HMCN2: variants seen among roughly 807,000 people sequenced by gnomAD.
The protein encoded by HMCN2 is hemicentin-2.
In HMCN2, 325 loss-of-function variants were observed where a neutral mutation model predicts 377.5. The observed-to-expected ratio is 0.86, with a 90% CI of 0.79 to 0.94. HMCN2 has a LOEUF of 0.94. Ranked by LOEUF, HMCN2 falls within the 40% of genes least tolerant of loss-of-function variation. HMCN2 has a pLI of 0.00. For missense variants in HMCN2, 4,543 were observed against 4,725.3 expected (o/e 0.96, Z 1.13); for synonymous variants, 2,007 against 2,046.8 (o/e 0.98, Z 0.53).
At chr9:130,291,241 C>G (rs571850730) in intron 4 of HMCN2, among the ~76,000 whole-genome samples, 1 of 152,180 alleles carries the variant, frequency 6.6e-6, no homozygotes, top group Admixed American at 6.5e-5. Flanking sequence ...TGGAGTTTTG[C>G]TCTTGTCACC....
rs910955004 is a variant in HMCN2, at chr9:130,397,565, C to A, written c.11236C>A (p.Pro3746Thr). Residue 3746 changes from proline to threonine, a missense_variant, in exon 74 of 98, where the codon CCA (proline) becomes ACA (threonine). Around this residue, in one of 5 missense-constraint regions of HMCN2, gnomAD observed 1,073 missense variants for 1,319.5 expected, o/e 0.81. Transcript: ENST00000683500. Reference protein sequence around the residue: ...ILPEGSLRIQPVLAQDAGHYL... With the variant: ...ILPEGSLRIQTVLAQDAGHYL... ...GCCTGAGGGTTCCCTGAGAATCCAG[C>A]CAGTCCTTGCCCAGGACGCCGGCCA... 1 of 1,289,830 alleles carries A rather than the reference C, an allele frequency of 7.8e-7. No homozygotes were observed. Among genetic ancestry groups the A allele is most frequent in the African/African-American group, 1.5e-5 (1 of 65,982 alleles). The allele number at this position is 1,289,830 out of a possible 1,614,324, so 79.9% of individuals were successfully genotyped here. A position where few individuals can be genotyped will look rare whatever the true frequency, so the allele number is the denominator to read the frequency against.
rs1452715925 is a variant in HMCN2, at chr9:130,280,034, C to T, written c.260-4569C>T. On this transcript the variant is annotated intron_variant, in intron 1 of 97. Coordinates refer to ENST00000683500, the MANE Select transcript of HMCN2 (RefSeq NM_001291815.2). ...GGAGGAAGGAGCCATGATCTAAGGC[C>T]TCTAGCAGCTGGAAAAGGCAGGGAA... Among the ~76,000 whole-genome samples, 3 of 152,070 alleles carry T rather than the reference C, an allele frequency of 2.0e-5. No homozygotes were observed. In the East Asian group the frequency reaches 5.8e-4, roughly 29 times the overall value.
intron 59 of HMCN2, 63 bp downstream of exon 59, chr9:130,384,861 A>T (rs187614150): frequency 1.9e-6 from 2 of 1,074,872 alleles, no homozygotes; most frequent in African/African-American, 1.6e-5. Flanking sequence ...CTCAGCCCAT[A>T]CTCCCCCAGA....
Position 130,407,612 on chromosome 9 carries a change from G to T in HMCN2, c.12595G>T (p.Ala4199Ser). 1 of 1,289,134 alleles carries T rather than the reference G, an allele frequency of 7.8e-7. No individual in the cohort carries two copies. Among genetic ancestry groups the T allele is most frequent in the Non-Finnish European group, 1.0e-6 (1 of 988,554 alleles). The allele number at this position is 1,289,134 out of a possible 1,614,324, so 79.9% of individuals were successfully genotyped here. ...GGATGGAGGCAGCACGCTGCAGCGG[G>T]CCGCTGTCTCCAGAGAAGACAGCGG... is the stretch of plus-strand genomic sequence containing the variant. ...EQDGGSTLQR[A>S]AVSREDSGTY... The change falls in exon 83 of 98, where the codon GCC (alanine) becomes TCC (serine). Residue 4199 changes from alanine to serine, a missense_variant. Ala to Ser is a moderately conservative substitution (Grantham distance 99). Around this residue, in one of 5 missense-constraint regions of HMCN2, gnomAD observed 1,073 missense variants for 1,319.5 expected, o/e 0.81. Transcript: ENST00000683500.
intron 15 of HMCN2, among the ~76,000 whole-genome samples, chr9:130,311,271 G>T (rs1457520799): frequency 6.6e-6 from 1 of 152,228 alleles, no homozygotes; most frequent in Non-Finnish European, 1.5e-5. Context: ...TGGGGCAGCC[G>T]AGGAGCTCCC....
At chr9:130,383,737 C>T (rs981539191) in intron 57 of HMCN2, 137 bp downstream of exon 57, 3 of 290,240 alleles carry the variant, frequency 1.0e-5, no homozygotes, top group African/African-American at 2.3e-5. Context: ...AGCCACATCC[C>T]GAGACAGAGA....
At chr9:130,306,434 A>G (rs575410073) in intron 12 of HMCN2, among the ~76,000 whole-genome samples, 164 bp downstream of exon 12, 3 of 152,282 alleles carry the variant, frequency 2.0e-5, no homozygotes, top group East Asian at 3.9e-4. Context: ...CTTTGGAAAC[A>G]TAAGAATGCC....
intron 62 of HMCN2, 106 bp downstream of exon 62, chr9:130,388,646 A>C: frequency 1.2e-6 from 1 of 830,506 alleles, no homozygotes; most frequent in Non-Finnish European, 1.5e-6. Flanking sequence ...GATCTTGGCA[A>C]AACCAGAGAC....
At chr9:130,295,809 C>G in intron 6 of HMCN2, 37 bp downstream of exon 6, 1 of 467,044 alleles carries the variant, frequency 2.1e-6, no homozygotes, top group Non-Finnish European at 4.4e-6. Context: ...GGTCGACTAG[C>G]TTTACTGGGC....
At chr9:130,348,822 G>C in intron 27 of HMCN2, 147 bp downstream of exon 27, 1 of 1,226,968 alleles carries the variant, frequency 8.2e-7, no homozygotes, top group Non-Finnish European at 1.1e-6. Context: ...CGGCAGTGGA[G>C]GATAGTGGTC....
At position 130,422,597 on chromosome 9, in the gene HMCN2, G is replaced by A; in HGVS notation, c.13252G>A (p.Gly4418Ser). Residue 4418 changes from glycine (G) to serine (S), a missense_variant, in exon 87 of 98, where the codon GGC becomes AGC. By Grantham distance (56) the Gly-to-Ser change is moderately conservative. Around this residue, in one of 5 missense-constraint regions of HMCN2, gnomAD observed 1,155 missense variants for 1,157.7 expected, o/e 1.00. Coordinates refer to ENST00000683500, the MANE Select transcript of HMCN2 (RefSeq NM_001291815.2). This position sits in a 1 kb window ranked among gnomAD's most constrained non-coding sequence, Gnocchi z 4.2. ...TACAGGGGAGCCCCAGGGGAGCTGGGGCAGCATGACTGGGGTGATAAATGG... is the reference window on the plus strand; with the variant it reads ...TACAGGGGAGCCCCAGGGGAGCTGGAGCAGCATGACTGGGGTGATAAATGG... ...VVRGEPQGSW[G>S]SMTGVINGRK... 7.6e-7 allele frequency: 1 copy of A among 1,322,428 alleles called. No homozygotes were observed. The highest frequency in any genetic ancestry group is 9.7e-7 in the Non-Finnish European group (1 of 1,029,976). The allele number at this position is 1,322,428 out of a possible 1,614,324, so 81.9% of individuals were successfully genotyped here.
At chr9:130,411,013 T>C (rs1243880370) in intron 85 of HMCN2, among the ~76,000 whole-genome samples, 1 of 152,042 alleles carries the variant, frequency 6.6e-6, no homozygotes, top group Admixed American at 6.6e-5. Flanking sequence ...CTGTAGAAAA[T>C]GTTTTATTGA....
chr9:130,388,542 T>G lies in HMCN2; in HGVS notation c.9523+2T>G. On this transcript the variant is annotated splice_donor_variant, in intron 62 of 97. Coordinates refer to ENST00000683500, the MANE Select transcript of HMCN2 (RefSeq NM_001291815.2). LOFTEE classifies it high-confidence loss of function. Reference sequence around the variant, plus strand: ...GGCTGAAGGACAGGATGCCTGTGGGTGAGCACATCTGTCCTTGTCTGTTTC... The same window carrying G: ...GGCTGAAGGACAGGATGCCTGTGGGGGAGCACATCTGTCCTTGTCTGTTTC... 3 of 988,094 alleles carry G rather than the reference T, an allele frequency of 3.0e-6. No individual in the cohort carries two copies. The highest frequency in any genetic ancestry group is 3.6e-6 in the Non-Finnish European group (3 of 830,128). The allele number at this position is 988,094 out of a possible 1,614,324, so 61.2% of individuals were successfully genotyped here. A position where few individuals can be genotyped will look rare whatever the true frequency, so the allele number is the denominator to read the frequency against.
chr9:130,433,131 G>A (rs1844863299), intron 97 of HMCN2: 1 of 485,112 alleles, frequency 2.1e-6, no homozygotes. Flanking sequence ...GACCATGAAA[G>A]GGCAGGCCTC....
At chr9:130,392,811 A>C (rs182959980) in intron 66 of HMCN2, among the ~76,000 whole-genome samples, 2 of 152,046 alleles carry the variant, frequency 1.3e-5, no homozygotes, top group Admixed American at 6.6e-5. Flanking sequence ...CCTGGCTAAC[A>C]CGGTGAAACC....
chr9:130,398,621 C>T lies in HMCN2; in HGVS notation c.11397C>T (p.Cys3799=), dbSNP rs1401260272. 17 of 1,288,140 alleles carry T rather than the reference C, an allele frequency of 1.3e-5. No individual in the cohort carries two copies. The Admixed American group carries it at 1.6e-4, about 12-fold the overall frequency. 79.8% of individuals were successfully genotyped at this position (1,288,140 alleles called of 1,614,324 possible). The stretch of plus-strand genomic sequence containing the variant: ...CCCACACCCCAGCCTTGCTGCCCTG[C>T]GAGGCCAGCGGCTCCCCTAAGCCCC... ...LTAHTPALLP[C]EASGSPKPLV... Residue 3799 remains cysteine (C), a synonymous_variant, in exon 75 of 98, where the codon TGC becomes TGT. Coordinates refer to ENST00000683500, the MANE Select transcript of HMCN2 (RefSeq NM_001291815.2).
chr9:130,380,555 G>C (rs1328149462), intron 54 of HMCN2, among the ~76,000 whole-genome samples: 11 of 152,104 alleles, frequency 7.2e-5, no homozygotes, highest in African/African-American at 1.7e-4. Flanking sequence ...GGGAGGCTGA[G>C]GTGGGAGGAT....
At chr9:130,386,401 C>G in intron 60 of HMCN2, 42 bp from the exon 61 acceptor site, 1 of 1,258,598 alleles carries the variant, frequency 7.9e-7, no homozygotes, top group Non-Finnish European at 1.0e-6. Flanking sequence ...CACCCCACTT[C>G]CAGCTCCAGC....
intron 31 of HMCN2, 52 bp from the exon 32 acceptor site, chr9:130,354,711 G>C: frequency 8.0e-7 from 1 of 1,244,756 alleles, no homozygotes; most frequent in Non-Finnish European, 1.0e-6. Flanking sequence ...TGAGATGAGA[G>C]CAGGCTAGCG....
Sources: gnomAD v4.1 joint callset for allele counts (sites outside exome capture counted in the v4.1 genomes callset) on GRCh38, gnomAD v4.1.1 for gene constraint, gnomAD v4.1.1 regional missense constraint, Gnocchi (gnomAD v3.1) non-coding constraint, MANE v1.5 for transcripts, NCBI Gene and HGNC (gene_info 2026-07-23, HGNC 2026-07-21) for gene names.